The following CELSR1 variants were observed in gnomAD, a reference collection of about 807,000 sequenced individuals.
CELSR1 encodes the protein adhesion G protein-coupled receptor C1.
A neutral mutation model predicts 249.1 loss-of-function variants in CELSR1; 110 were observed. That is an observed-to-expected ratio of 0.44 (90% CI 0.38 to 0.52). CELSR1 has a LOEUF of 0.52. CELSR1 is among the 20% of genes least tolerant of loss of function. CELSR1 has a pLI of 0.00. For missense variants in CELSR1, 4,109 were observed against 4,296.4 expected (o/e 0.96, Z 1.22); for synonymous variants, 2,113 against 1,900.0 (o/e 1.11, Z -2.92).
rs2079207976 is a variant in CELSR1, at chr22:46,401,216, A to G, written c.5227-1314T>C. ...CTCTGTGTTTAATTACATGTATGAA[A>G]AAAACAAAAATCAGCATTGCAACTG... On this transcript the variant is annotated intron_variant, in intron 9 of 34. Transcript: ENST00000674500. This position sits in a 1 kb window ranked among gnomAD's most constrained non-coding sequence, Gnocchi z 4.7. Among the ~76,000 whole-genome samples the G allele has an allele frequency of 6.6e-6, 1 of 152,198 alleles. No individual in the cohort carries two copies.
At chr22:46,444,930 G>A (rs1391303883) in intron 2 of CELSR1, among the ~76,000 whole-genome samples, 1 of 152,224 alleles carries the variant, frequency 6.6e-6, no homozygotes, top group African/African-American at 2.4e-5. Flanking sequence ...ACCAGGCCGG[G>A]AGCGGTGGCT....
chr22:46,466,480 G>C (rs570668428), intron 1 of CELSR1, among the ~76,000 whole-genome samples: 1 of 152,144 alleles, frequency 6.6e-6, no homozygotes, highest in African/African-American at 2.4e-5. Flanking sequence ...CCAGGGCCCC[G>C]GCCAATGGAA....
chr22:46,435,258 G>A (rs111330635), intron 4 of CELSR1, among the ~76,000 whole-genome samples: 3,642 of 116,556 alleles, frequency 0.031, 178 homozygotes, highest in African/African-American at 0.11. Context: ...GGCCAGCCTT[G>A]TCCAAAAAAA....
rs537147540 is a variant in CELSR1 at position 46,365,488 on chromosome 22, C to T, written c.8404+98G>A. On this transcript the variant is annotated intron_variant, in intron 31 of 34. Coordinates refer to ENST00000674500, the MANE Select transcript of CELSR1 (RefSeq NM_001378328.1). ...CCTGGCATGCTGACGCTGAGCATGG[C>T]GAGGCTGCTAGTGCTTCTTCAGGGG... 3.1e-5 allele frequency: 48 copies of T among 1,548,304 alleles called. No homozygotes were observed. In the East Asian group the frequency reaches 3.8e-4, roughly 12 times the overall value.
intron 1 of CELSR1, among the ~76,000 whole-genome samples, chr22:46,477,533 C>T (rs1334902554): frequency 9.6e-5 from 8 of 83,728 alleles, no homozygotes; most frequent in South Asian, 3.9e-4. Flanking sequence ...TTTTTTGAGA[C>T]GGAGTCTTGC....
Position 46,401,606 on chromosome 22 carries a change from G to A in CELSR1, c.5227-1704C>T, listed in dbSNP as rs9615364. Among the ~76,000 whole-genome samples, 18,568 of 152,148 alleles carry A rather than the reference G, an allele frequency of 0.12. 1,529 individuals are homozygous for A. Among genetic ancestry groups the A allele is most frequent in the African/African-American group, 0.23 (9,540 of 41,476 alleles). On this transcript the variant is annotated intron_variant, in intron 9 of 34. Transcript: ENST00000674500. The surrounding 1 kb of genome is among the most constrained non-coding windows in gnomAD (Gnocchi z 4.7). The stretch of plus-strand genomic sequence containing the variant: ...CTTCAGCCCTATCAGCAGGTGGTAC[G>A]ACGCTCCATCAGTCGCCTGTGACCT...
chr22:46,404,690 T>C (rs1253844718), intron 9 of CELSR1, among the ~76,000 whole-genome samples: 1 of 152,204 alleles, frequency 6.6e-6, no homozygotes, highest in Non-Finnish European at 1.5e-5. Context: ...GGTTTCTCCA[T>C]GATGGCCAGG....
In CELSR1 at chr22:46,463,740, C is replaced by T. The variant is rs754458990; in HGVS notation, c.4150G>A (p.Gly1384Ser). 43 of 1,537,616 alleles carry T rather than the reference C, an allele frequency of 2.8e-5. No individual in the cohort carries two copies. The highest frequency in any genetic ancestry group is 1.7e-4 in the Middle Eastern group (1 of 5,720). Residue 1384 changes from glycine to serine, a missense_variant, in exon 2 of 35, where the codon GGC becomes AGC. By Grantham distance (56) the Gly-to-Ser change is moderately conservative. Coordinates refer to ENST00000674500, the MANE Select transcript of CELSR1 (RefSeq NM_001378328.1). ...TCCTCGAAGCACTCGCAGGTGTAGCCGCCCTCGCGGCTGCGGCAGCGGCCG... is the reference window on the plus strand; with the variant it reads ...TCCTCGAAGCACTCGCAGGTGTAGCTGCCCTCGCGGCTGCGGCAGCGGCCG... The part of the protein sequence containing the change: ...ANGRCRSREG[G>S]YTCECFEDFT...
chr22:46,389,625 C>T, intron 17 of CELSR1, 126 bp from the exon 18 acceptor site: 1 of 1,075,862 alleles, frequency 9.3e-7, no homozygotes, highest in South Asian at 1.4e-5. Context: ...TTAAAAAATC[C>T]AAAAGCCTGG....
In CELSR1 at chr22:46,528,510, A is replaced by G. The variant is rs2080760373; in HGVS notation, c.3544+5117T>C. 2.0e-5 allele frequency among the ~76,000 whole-genome samples: 3 copies of G among 152,260 alleles called. No individual in the cohort carries two copies. In the South Asian group the frequency reaches 6.2e-4, roughly 31 times the overall value. On this transcript the variant is annotated intron_variant, in intron 1 of 34. Coordinates refer to ENST00000674500, the MANE Select transcript of CELSR1 (RefSeq NM_001378328.1). ...CTCCCAAGCTCCGCATTCTGCAACA[A>G]GAGGCCTACAGCCCTGCACCCACGG...
chr22:46,534,776 T>A lies in CELSR1; in HGVS notation c.2395A>T (p.Ser799Cys). ...GAGGTGCCCACAGGCCTGTCCTCAC[T>A]GACACTCACTGTGTAATGGGAGCTC... ...FQSSHYTVSV[S>C]EDRPVGTSIA... The change falls in exon 1 of 35, where the codon AGT becomes TGT. Residue 799 changes from serine (S) to cysteine (C), a missense_variant. Around this residue, in one of 7 missense-constraint regions of CELSR1, gnomAD observed 886 missense variants for 896.5 expected, o/e 0.99. Coordinates refer to ENST00000674500, the MANE Select transcript of CELSR1 (RefSeq NM_001378328.1). The surrounding 1 kb of genome is among the most constrained non-coding windows in gnomAD (Gnocchi z 9.7). The A allele has an allele frequency of 6.2e-7, 1 of 1,613,160 alleles. No homozygotes were observed. Among genetic ancestry groups the A allele is most frequent in the Non-Finnish European group, 8.5e-7 (1 of 1,179,998 alleles).
intron 1 of CELSR1, among the ~76,000 whole-genome samples, chr22:46,475,324 C>A (rs2080197087): frequency 6.6e-6 from 1 of 152,148 alleles, no homozygotes; most frequent in Non-Finnish European, 1.5e-5. Context: ...CGCTACAACA[C>A]AGATGAGCCT....
At chr22:46,419,505 C>T (rs939524437) in intron 5 of CELSR1, among the ~76,000 whole-genome samples, 1 of 152,066 alleles carries the variant, frequency 6.6e-6, no homozygotes, top group Non-Finnish European at 1.5e-5. Context: ...TGCAGCCTCC[C>T]GGGGCCTGCC....
rs1021378364 is a variant in CELSR1 at position 46,399,227 on chromosome 22, G to A, written c.5412+490C>T. ...GAAACCTAGTTTGGTTAAGTGTTCC[G>A]AACATTGTCTGGGATACCACCACCT... On this transcript the variant is annotated intron_variant, in intron 10 of 34. Coordinates refer to ENST00000674500, the MANE Select transcript of CELSR1 (RefSeq NM_001378328.1). This position sits in a 1 kb window ranked among gnomAD's most constrained non-coding sequence, Gnocchi z 5.0. 5.3e-5 allele frequency among the ~76,000 whole-genome samples: 8 copies of A among 152,178 alleles called. No individual in the cohort carries two copies. Among genetic ancestry groups the A allele is most frequent in the African/African-American group, 9.7e-5 (4 of 41,438 alleles).
intron 18 of CELSR1, among the ~76,000 whole-genome samples, chr22:46,387,214 CTGTT>C (rs2079042648): frequency 6.6e-6 from 1 of 152,174 alleles, no homozygotes; most frequent in Non-Finnish European, 1.5e-5. Context: ...CTTGGAAGGT[CTGTT>C]TGCTAGCCGA....
At chr22:46,533,543 T>C in intron 1 of CELSR1, 84 bp downstream of exon 1, 1 of 1,492,052 alleles carries the variant, frequency 6.7e-7, no homozygotes, top group Admixed American at 2.3e-5. Flanking sequence ...CGCCCCGGCA[T>C]GCCAGGCGGA....
At chr22:46,515,751 C>A (rs1161459666) in intron 1 of CELSR1, among the ~76,000 whole-genome samples, 2 of 152,228 alleles carry the variant, frequency 1.3e-5, no homozygotes, top group Admixed American at 6.5e-5. Context: ...AGGCTCCCAG[C>A]AGCCAGTGTA....
intron 5 of CELSR1, among the ~76,000 whole-genome samples, chr22:46,418,433 C>T (rs753642539): frequency 8.6e-5 from 13 of 152,008 alleles, no homozygotes; most frequent in Non-Finnish European, 1.8e-4. Context: ...TGCAGTGGGC[C>T]GAGATTGTAC....
chr22:46,495,109 G>A (rs935388041), intron 1 of CELSR1, among the ~76,000 whole-genome samples: 2 of 151,998 alleles, frequency 1.3e-5, no homozygotes, highest in African/African-American at 4.8e-5. Context: ...TGGTAAAACC[G>A]ACTGCTCCTA....
Sources: gnomAD v4.1 joint callset for allele counts (sites outside exome capture counted in the v4.1 genomes callset) on GRCh38, gnomAD v4.1.1 for gene constraint, gnomAD v4.1.1 regional missense constraint, Gnocchi (gnomAD v3.1) non-coding constraint, MANE v1.5 for transcripts, NCBI Gene and HGNC (gene_info 2026-07-23, HGNC 2026-07-21) for gene names.